Variants in LMBR1 observed in about 807,000 individuals in gnomAD.
The protein encoded by LMBR1 is limb development membrane protein 1, also known as limb region 1 protein homolog.
Under a neutral mutation model 73.9 loss-of-function variants are expected in LMBR1, and 52 were observed. That is an observed-to-expected ratio of 0.70 (90% CI 0.56 to 0.89). LMBR1 has a LOEUF of 0.89. Ranked by LOEUF, LMBR1 falls within the 40% of genes least tolerant of loss-of-function variation. LMBR1 has a pLI of 0.00. For synonymous variants in LMBR1, 215 were observed against 209.4 expected (o/e 1.03, Z -0.23); for missense variants, 539 against 579.8 (o/e 0.93, Z 0.72).
chr7:156,787,942 AATTT>A (rs1216248424), intron 5 of LMBR1, among the ~76,000 whole-genome samples: 1 of 152,080 alleles, frequency 6.6e-6, no homozygotes, highest in Non-Finnish European at 1.5e-5. Context: ...ACACCTGGCT[AATTT>A]TTATATTTTT....
intron 5 of LMBR1, among the ~76,000 whole-genome samples, chr7:156,776,081 C>T (rs1365123887): frequency 6.8e-6 from 1 of 148,020 alleles, no homozygotes; most frequent in African/African-American, 2.5e-5. Flanking sequence ...GTAAATTATA[C>T]ATATTTTATA....
chr7:156,838,765 CTAT>C (rs1287837065), intron 1 of LMBR1, among the ~76,000 whole-genome samples: 1 of 152,128 alleles, frequency 6.6e-6, no homozygotes, highest in Non-Finnish European at 1.5e-5. Context: ...TATGGCAGCT[CTAT>C]TTTTAATTTT....
chr7:156,810,858 G>C (rs1392674733), intron 4 of LMBR1, among the ~76,000 whole-genome samples: 2 of 151,384 alleles, frequency 1.3e-5, no homozygotes. Context: ...ACCCAGGCTG[G>C]AGTACAGTGG....
chr7:156,804,937 ACATT>A (rs1406241598), intron 4 of LMBR1, among the ~76,000 whole-genome samples: 3 of 152,142 alleles, frequency 2.0e-5, no homozygotes, highest in Non-Finnish European at 4.4e-5. Context: ...ACTTTCTCCT[ACATT>A]TTCTTCTACA....
chr7:156,746,264 T>A (rs1175071009), intron 9 of LMBR1, among the ~76,000 whole-genome samples: 1 of 152,196 alleles, frequency 6.6e-6, no homozygotes, highest in Non-Finnish European at 1.5e-5. Context: ...CCAAACTACA[T>A]TCATTCCCCA....
At chr7:156,703,628 G>A (rs891094519) in intron 15 of LMBR1, among the ~76,000 whole-genome samples, 1 of 152,178 alleles carries the variant, frequency 6.6e-6, no homozygotes, top group South Asian at 2.1e-4. Context: ...TCCCTAGGCT[G>A]AGACCCTGGC....
intron 13 of LMBR1, 70 bp downstream of exon 13, chr7:156,725,694 T>C (rs1815592624): frequency 4.2e-6 from 6 of 1,417,590 alleles, no homozygotes; most frequent in Admixed American, 3.7e-5. Flanking sequence ...TCTTAGTAAA[T>C]AACTACTGCC....
Position 156,796,423 on chromosome 7 carries a change from A to G in LMBR1, c.389T>C (p.Phe130Ser). Residue 130 changes from phenylalanine to serine, a missense_variant, in exon 5 of 17, where the codon TTT becomes TCT. This residue lies in a region of LMBR1 where 454 missense variants were observed against 473.4 expected (regional missense o/e 0.96). Coordinates refer to ENST00000353442, the MANE Select transcript of LMBR1 (RefSeq NM_022458.4). ...GCCAGCAAAGCCTTCTGATTCCAGAAAGAAAAAGGCAAAGGGCATCAATAC... is the reference window on the plus strand; with the variant it reads ...GCCAGCAAAGCCTTCTGATTCCAGAGAGAAAAAGGCAAAGGGCATCAATAC... ...LFVLMPFAFF[F>S]LESEGFAGLK... 1 of 1,609,370 alleles carries G rather than the reference A, an allele frequency of 6.2e-7. No homozygotes were observed. The highest frequency in any genetic ancestry group is 2.2e-5 in the East Asian group (1 of 44,666).
At chr7:156,714,399 C>T (rs1339035123) in intron 15 of LMBR1, among the ~76,000 whole-genome samples, 16 of 152,128 alleles carry the variant, frequency 1.1e-4, no homozygotes, top group South Asian at 2.1e-4. Flanking sequence ...GAAAATTACT[C>T]GCAGTAAACA....
At chr7:156,873,651 C>CCA in intron 1 of LMBR1, among the ~76,000 whole-genome samples, 1 of 152,198 alleles carries the variant, frequency 6.6e-6, no homozygotes, top group Non-Finnish European at 1.5e-5. Context: ...TACAGAGTTT[C>CCA]CACACACAGG....
intron 1 of LMBR1, among the ~76,000 whole-genome samples, chr7:156,840,159 CTA>C (rs1838396549): frequency 1.3e-5 from 2 of 152,232 alleles, no homozygotes; most frequent in Middle Eastern, 3.4e-3. Flanking sequence ...TGTGGGCTTG[CTA>C]TATACCAGGC....
At chr7:156,741,541 T>C (rs1818894400) in intron 9 of LMBR1, among the ~76,000 whole-genome samples, 1 of 152,012 alleles carries the variant, frequency 6.6e-6, no homozygotes, top group South Asian at 2.1e-4. Context: ...AGACAAGAAA[T>C]GTAAGAAGAG....
intron 2 of LMBR1, among the ~76,000 whole-genome samples, chr7:156,836,308 G>C (rs1837631562): frequency 6.6e-6 from 1 of 152,108 alleles, no homozygotes; most frequent in Admixed American, 6.6e-5. Flanking sequence ...GAATTAATGA[G>C]CACAAAGTTC....
chr7:156,882,719 CAATAT>C (rs1355517235), intron 1 of LMBR1, among the ~76,000 whole-genome samples: 1 of 151,716 alleles, frequency 6.6e-6, no homozygotes, highest in South Asian at 2.1e-4. Flanking sequence ...CTATAATCAA[CAATAT>C]AATTGCACAC....
At chr7:156,846,686 G>A (rs1795519539) in intron 1 of LMBR1, among the ~76,000 whole-genome samples, 1 of 152,082 alleles carries the variant, frequency 6.6e-6, no homozygotes, top group African/African-American at 2.4e-5. Context: ...TCAACAAACT[G>A]ATTCTAAATT....
chr7:156,873,383 A>T (rs1313167325), intron 1 of LMBR1, among the ~76,000 whole-genome samples: 2 of 152,218 alleles, frequency 1.3e-5, no homozygotes, highest in Non-Finnish European at 1.5e-5. Flanking sequence ...TCATAAAAGC[A>T]GCGTGGACCC....
rs1392762028 is a variant in LMBR1 at position 156,891,229 on chromosome 7, TATATAC to T, written c.66+1693_66+1698del. 7.6e-3 allele frequency among the ~76,000 whole-genome samples: 619 copies of T among 81,474 alleles called. 6 individuals carry two copies. Among genetic ancestry groups the T allele is most frequent in the African/African-American group, 0.016 (316 of 20,142 alleles). 53.5% of individuals were successfully genotyped at this position (81,474 alleles called of 152,430 possible). On this transcript the variant is annotated intron_variant, in intron 1 of 16. Transcript: ENST00000353442. The stretch of plus-strand genomic sequence containing the variant: ...AAAAAAAAATATATATATATATATA[TATATAC>T]ACACACACACACACACACACACACA...
intron 15 of LMBR1, among the ~76,000 whole-genome samples, chr7:156,692,916 G>A (rs1201123749): frequency 6.6e-6 from 1 of 152,136 alleles, no homozygotes; most frequent in Non-Finnish European, 1.5e-5. Context: ...TTGCTAAGTA[G>A]AGATATGAAA....
At chr7:156,786,910 T>C (rs906186913) in intron 5 of LMBR1, among the ~76,000 whole-genome samples, 1 of 152,186 alleles carries the variant, frequency 6.6e-6, no homozygotes, top group Non-Finnish European at 1.5e-5. Context: ...ACCTAATATA[T>C]ATTTGATTAA....
Sources: allele counts gnomAD v4.1 joint callset (sites outside exome capture counted in the v4.1 genomes callset), GRCh38; gene constraint gnomAD v4.1.1; regional missense constraint gnomAD v4.1.1; transcripts MANE v1.5; gene names NCBI Gene and HGNC (gene_info 2026-07-23, HGNC 2026-07-21).